Variants in COMMD10 observed in about 807,000 individuals in gnomAD.
The protein encoded by COMMD10 is COMM domain-containing protein 10.
Under a neutral mutation model 28.9 loss-of-function variants are expected in COMMD10, and 33 were observed. That is an observed-to-expected ratio of 1.14 (90% confidence interval 0.87 to 1.53). The LOEUF is 1.53. Ranked by LOEUF, COMMD10 falls within the 40% of genes most tolerant of loss-of-function variation. The pLI is 0.00. For synonymous variants in COMMD10, 110 were observed against 81.7 expected (o/e 1.35, Z -1.87); for missense variants, 310 against 233.4 (o/e 1.33, Z -2.14).
intron 5 of COMMD10, among the ~76,000 whole-genome samples, chr5:116,223,324 GA>G (rs1275235497): frequency 2.0e-5 from 3 of 149,902 alleles, no homozygotes; most frequent in African/African-American, 7.4e-5. Flanking sequence ...ATACACCAGA[GA>G]AAAAAAGTTC....
intron 5 of COMMD10, among the ~76,000 whole-genome samples, chr5:116,281,636 C>T (rs1164942803): frequency 6.6e-6 from 1 of 151,570 alleles, no homozygotes; most frequent in Non-Finnish European, 1.5e-5. Flanking sequence ...CTTCCAGTTT[C>T]TCTATATTTA....
chr5:116,291,458 A>C, intron 5 of COMMD10, 59 bp from the exon 6 acceptor site: 2 of 1,212,792 alleles, frequency 1.6e-6, no homozygotes, highest in Non-Finnish European at 2.4e-6. Flanking sequence ...GCTGGAGAGA[A>C]AAAATGTGAT....
chr5:116,210,947 A>T (rs1474155179), intron 5 of COMMD10, among the ~76,000 whole-genome samples: 2 of 152,114 alleles, frequency 1.3e-5, no homozygotes, highest in East Asian at 1.9e-4. Context: ...CATAGTTACA[A>T]GAACATTTAC....
chr5:116,152,892 T>G (rs945565943), intron 5 of COMMD10, among the ~76,000 whole-genome samples: 2 of 152,146 alleles, frequency 1.3e-5, no homozygotes, highest in African/African-American at 4.8e-5. Context: ...GTGAAATCTT[T>G]TTTTGCTATA....
At chr5:116,247,458 C>T (rs893519764) in intron 5 of COMMD10, among the ~76,000 whole-genome samples, 2 of 152,046 alleles carry the variant, frequency 1.3e-5, no homozygotes, top group African/African-American at 2.4e-5. Flanking sequence ...CCAGCAATCT[C>T]ATTGCTGGGT....
At chr5:116,171,511 A>G (rs899724989) in intron 5 of COMMD10, among the ~76,000 whole-genome samples, 3 of 152,016 alleles carry the variant, frequency 2.0e-5, no homozygotes, top group African/African-American at 2.4e-5. Context: ...TCATTCTACT[A>G]TAAAGACACA....
chr5:116,253,951 A>G (rs1003371920), intron 5 of COMMD10, among the ~76,000 whole-genome samples: 5 of 151,926 alleles, frequency 3.3e-5, no homozygotes, highest in East Asian at 1.9e-4. Flanking sequence ...TTGGTAAGCT[A>G]TTGATTATTG....
At chr5:116,240,531 C>G (rs1343478977) in intron 5 of COMMD10, among the ~76,000 whole-genome samples, 1 of 152,150 alleles carries the variant, frequency 6.6e-6, no homozygotes, top group Non-Finnish European at 1.5e-5. Context: ...TTCTCCAAAA[C>G]TAGCTAGCCT....
intron 5 of COMMD10, among the ~76,000 whole-genome samples, chr5:116,204,047 T>G (rs1178280747): frequency 6.6e-6 from 1 of 151,654 alleles, no homozygotes; most frequent in Non-Finnish European, 1.5e-5. Context: ...TGGAGGAAGA[T>G]CTCCCAAGCA....
chr5:116,201,802 C>G (rs780171512), intron 5 of COMMD10, among the ~76,000 whole-genome samples: 2 of 152,024 alleles, frequency 1.3e-5, no homozygotes, highest in Non-Finnish European at 2.9e-5. Flanking sequence ...TTTAATTTAT[C>G]CAAAGTTACA....
intron 5 of COMMD10, among the ~76,000 whole-genome samples, chr5:116,273,763 T>G (rs1181283829): frequency 6.6e-6 from 1 of 151,606 alleles, no homozygotes; most frequent in African/African-American, 2.4e-5. Flanking sequence ...TGAACTGGAG[T>G]TTTGAAACTG....
At chr5:116,134,694 C>T (rs1008875008) in intron 5 of COMMD10, among the ~76,000 whole-genome samples, 3 of 152,130 alleles carry the variant, frequency 2.0e-5, no homozygotes, top group Admixed American at 6.5e-5. Context: ...GATCTCGGCT[C>T]ACTGCAGGCT....
Position 116,288,130 on chromosome 5 carries a change from C to G in COMMD10, c.511-3387C>G, listed in dbSNP as rs562249794. ...GTATAGATTAGCTCTAGGTGATGAA[C>G]TCCCATGGCTTTTCTTTATCTGGGA... On this transcript the variant is annotated intron_variant, in intron 5 of 6. Coordinates refer to ENST00000274458, the MANE Select transcript of COMMD10 (RefSeq NM_016144.4). 8.8e-4 allele frequency among the ~76,000 whole-genome samples: 133 copies of G among 151,926 alleles called. 1 individual carries two copies. The highest frequency in any genetic ancestry group is 1.5e-3 in the Non-Finnish European group (102 of 67,982).
intron 3 of COMMD10, among the ~76,000 whole-genome samples, chr5:116,091,584 C>T (rs564937765): frequency 3.3e-5 from 5 of 152,236 alleles, no homozygotes; most frequent in African/African-American, 1.2e-4. Context: ...AAATTCACTT[C>T]CTGATTTAAG....
chr5:116,177,968 AC>A (rs1747783020), intron 5 of COMMD10, among the ~76,000 whole-genome samples: 1 of 152,114 alleles, frequency 6.6e-6, no homozygotes, highest in African/African-American at 2.4e-5. Context: ...ATATTCTTTT[AC>A]TCAGATAATA....
intron 5 of COMMD10, among the ~76,000 whole-genome samples, chr5:116,159,334 A>C (rs1334886608): frequency 6.6e-6 from 1 of 152,130 alleles, no homozygotes; most frequent in African/African-American, 2.4e-5. Flanking sequence ...GCCTCATGGC[A>C]TTTGCACTTT....
rs76501737 is a variant in COMMD10, at chr5:116,273,717, T to C, written c.511-17800T>C. Among the ~76,000 whole-genome samples, 1,439 of 151,812 alleles carry C rather than the reference T, an allele frequency of 9.5e-3. 55 individuals carry two copies. Among genetic ancestry groups the C allele is most frequent in the African/African-American group, 0.033 (1,341 of 41,232 alleles). ...CAAAAGCTGAACAGTCCAGTTGAAA[T>C]GTTTCTGATCTAAGCCTTTGACTTC... On this transcript the variant is annotated intron_variant, in intron 5 of 6. Coordinates refer to ENST00000274458, the MANE Select transcript of COMMD10 (RefSeq NM_016144.4).
intron 4 of COMMD10, among the ~76,000 whole-genome samples, chr5:116,099,645 G>A (rs1005311407): frequency 2.0e-5 from 3 of 152,122 alleles, no homozygotes; most frequent in Admixed American, 1.3e-4. Context: ...TTTTAACGAT[G>A]TAACGTCATG....
intron 5 of COMMD10, among the ~76,000 whole-genome samples, chr5:116,196,207 A>G (rs1379158380): frequency 1.3e-5 from 2 of 152,106 alleles, no homozygotes; most frequent in South Asian, 2.1e-4. Context: ...CCATCAACCA[A>G]CGAGTGGAGA....
Sources: allele counts gnomAD v4.1 joint callset (sites outside exome capture counted in the v4.1 genomes callset), GRCh38; gene constraint gnomAD v4.1.1; transcripts MANE v1.5; gene names NCBI Gene and HGNC (gene_info 2026-07-23, HGNC 2026-07-21).